The following CRYBG1 variants were observed in gnomAD, a reference collection of about 807,000 sequenced individuals.
The protein encoded by CRYBG1 is beta/gamma crystallin domain-containing protein 1.
In CRYBG1, 139 loss-of-function variants were observed where a neutral mutation model predicts 189.2. The observed-to-expected ratio is 0.73, with a 90% CI of 0.64 to 0.85. The LOEUF (loss-of-function observed/expected upper bound fraction) is 0.85. Among genes scored for constraint, CRYBG1 ranks in the 40% least tolerant of loss-of-function variants. The probability of loss-of-function intolerance (pLI) is 0.00; values close to 1 mark genes in which losing one functional copy is unlikely to be tolerated. For missense variants in CRYBG1, 2,611 were observed against 2,675.8 expected (o/e 0.98, Z 0.53); for synonymous variants, 1,023 against 1,017.1 (o/e 1.01, Z -0.11).
intron 21 of CRYBG1, among the ~76,000 whole-genome samples, chr6:106,566,212 G>A (rs1265717670): frequency 1.3e-5 from 2 of 149,370 alleles, no homozygotes; most frequent in Admixed American, 6.7e-5. Flanking sequence ...GACAGTTTAC[G>A]TTCTAGATGC....
At chr6:106,473,100 G>C (rs1772269551) in intron 2 of CRYBG1, among the ~76,000 whole-genome samples, 1 of 152,154 alleles carries the variant, frequency 6.6e-6, no homozygotes, top group Admixed American at 6.5e-5. Context: ...GTGCTCATTA[G>C]ATTGTTCTAT....
At chr6:106,419,560 T>A (rs1771087427) in intron 1 of CRYBG1, among the ~76,000 whole-genome samples, 1 of 152,134 alleles carries the variant, frequency 6.6e-6, no homozygotes, top group Admixed American at 6.5e-5. Context: ...TTGTTAAAAT[T>A]TTTTGTAGAG....
At chr6:106,514,705 A>T (rs977680983) in intron 3 of CRYBG1, among the ~76,000 whole-genome samples, 1 of 152,238 alleles carries the variant, frequency 6.6e-6, no homozygotes, top group Non-Finnish European at 1.5e-5. Context: ...AAAACCAGAA[A>T]TGTTACACTG....
At chr6:106,552,539 A>G (rs1444010511) in intron 15 of CRYBG1, among the ~76,000 whole-genome samples, 2 of 134,596 alleles carry the variant, frequency 1.5e-5, no homozygotes, top group Non-Finnish European at 3.1e-5. Flanking sequence ...GTGAGCCGAG[A>G]TCGCACCACT....
chr6:106,478,991 T>C (rs1279450897), intron 2 of CRYBG1, among the ~76,000 whole-genome samples: 2 of 152,350 alleles, frequency 1.3e-5, no homozygotes, highest in South Asian at 2.1e-4. Context: ...ATACAATGTG[T>C]AGCTTTTTGC....
rs181762012 is a variant in CRYBG1 at position 106,493,390 on chromosome 6, C to T, written c.313-18040C>T. 5.3e-5 allele frequency among the ~76,000 whole-genome samples: 8 copies of T among 152,280 alleles called. No homozygotes were observed. In the East Asian group the frequency reaches 1.5e-3, roughly 29 times the overall value. The stretch of plus-strand genomic sequence containing the variant: ...AAACTGGAACTCTTATGCACTGTTA[C>T]TGGGAATATAAAATGGTGCAGCTAC... On this transcript the variant is annotated intron_variant, in intron 2 of 21. Coordinates refer to ENST00000633556, the MANE Select transcript of CRYBG1 (RefSeq NM_001371242.2).
At chr6:106,442,529 C>T (rs1371195837) in intron 1 of CRYBG1, among the ~76,000 whole-genome samples, 1 of 152,158 alleles carries the variant, frequency 6.6e-6, no homozygotes, top group Non-Finnish European at 1.5e-5. Flanking sequence ...ACCAACAGAC[C>T]AGTTTTGCAT....
intron 1 of CRYBG1, among the ~76,000 whole-genome samples, chr6:106,388,529 G>A (rs1163351153): frequency 6.6e-6 from 1 of 152,060 alleles, no homozygotes; most frequent in East Asian, 1.9e-4. Context: ...ATAATATTTT[G>A]AATATGTAAT....
chr6:106,481,856 C>T (rs1772467712), intron 2 of CRYBG1, among the ~76,000 whole-genome samples: 1 of 152,216 alleles, frequency 6.6e-6, no homozygotes, highest in South Asian at 2.1e-4. Flanking sequence ...TCATGCCTGC[C>T]ATTAGTCCTG....
At chr6:106,503,843 A>T (rs1403902692) in intron 2 of CRYBG1, among the ~76,000 whole-genome samples, 1 of 152,044 alleles carries the variant, frequency 6.6e-6, no homozygotes, top group Non-Finnish European at 1.5e-5. Context: ...GGGAGAATGA[A>T]ATTATAATTA....
chr6:106,364,359 G>A (rs1230719558), intron 1 of CRYBG1, among the ~76,000 whole-genome samples: 1 of 151,892 alleles, frequency 6.6e-6, no homozygotes. Flanking sequence ...AGAAAAGCTT[G>A]CCAGTCCAAA....
chr6:106,423,889 G>C (rs1771178359), intron 1 of CRYBG1, among the ~76,000 whole-genome samples: 1 of 151,662 alleles, frequency 6.6e-6, no homozygotes, highest in African/African-American at 2.4e-5. Context: ...ATTTTTTGTA[G>C]AGACGGGGCT....
chr6:106,471,708 G>A (rs1030843350), intron 2 of CRYBG1, among the ~76,000 whole-genome samples: 6 of 151,968 alleles, frequency 3.9e-5, no homozygotes, highest in African/African-American at 1.4e-4. Context: ...GCAGCCTCTG[G>A]GCTATGTCAG....
intron 2 of CRYBG1, among the ~76,000 whole-genome samples, chr6:106,497,026 G>A (rs9480677): frequency 2.0e-5 from 3 of 151,960 alleles, no homozygotes; most frequent in Non-Finnish European, 2.9e-5. Flanking sequence ...TGAGGCTCCC[G>A]CTGCCTGCCA....
intron 2 of CRYBG1, among the ~76,000 whole-genome samples, chr6:106,499,069 A>G (rs1396432789): frequency 6.6e-6 from 1 of 150,604 alleles, no homozygotes; most frequent in African/African-American, 2.5e-5. Context: ...GTAGTTATTC[A>G]TATATTCTGA....
chr6:106,521,543 A>G, intron 4 of CRYBG1, 90 bp downstream of exon 4: 2 of 1,361,474 alleles, frequency 1.5e-6, no homozygotes, highest in Non-Finnish European at 2.0e-6. Flanking sequence ...TCTTTTAGAA[A>G]TGGTTAAGCT....
intron 17 of CRYBG1, among the ~76,000 whole-genome samples, chr6:106,558,202 T>C (rs1301795888): frequency 6.6e-6 from 1 of 151,090 alleles, no homozygotes; most frequent in Non-Finnish European, 1.5e-5. Flanking sequence ...ATCAGAAGTG[T>C]TGATATTCCC....
intron 2 of CRYBG1, among the ~76,000 whole-genome samples, chr6:106,486,565 T>C (rs1238497893): frequency 6.6e-6 from 1 of 152,182 alleles, no homozygotes; most frequent in African/African-American, 2.4e-5. Flanking sequence ...TTGCAATCTC[T>C]CCTTTAGAGC....
intron 1 of CRYBG1, among the ~76,000 whole-genome samples, chr6:106,405,603 G>A (rs558574420): frequency 2.6e-4 from 39 of 152,322 alleles, no homozygotes; most frequent in African/African-American, 7.9e-4. Context: ...ACACCTTCCC[G>A]CAGGGGTCAG....
Sources: gnomAD v4.1 joint callset for allele counts (sites outside exome capture counted in the v4.1 genomes callset) on GRCh38, gnomAD v4.1.1 for gene constraint, MANE v1.5 for transcripts, NCBI Gene and HGNC (gene_info 2026-07-23, HGNC 2026-07-21) for gene names.